EFCAB5: variants seen among roughly 807,000 people sequenced by gnomAD.
EFCAB5 encodes the protein EF-hand calcium binding domain 5.
Under a neutral mutation model 167.9 loss-of-function variants are expected in EFCAB5, and 131 were observed. The ratio of observed to expected loss-of-function variants is 0.78; its 90% CI spans 0.68 to 0.90. The LOEUF is 0.90. EFCAB5 is among the 40% of genes least tolerant of loss of function. The probability of loss-of-function intolerance (pLI) is 0.00; values close to 1 mark genes in which losing one functional copy is unlikely to be tolerated. For missense variants in EFCAB5, 1,663 were observed against 1,745.2 expected, an observed-to-expected ratio of 0.95 and a Z score of 0.84; for synonymous variants, 574 against 602.8, an observed-to-expected ratio of 0.95 and a Z score of 0.70.
chr17:30,053,807 G>T lies in EFCAB5; in HGVS notation c.1853G>T (p.Arg618Leu). 6.2e-7 allele frequency: 1 copy of T among 1,613,814 alleles called. No homozygotes were observed. Among genetic ancestry groups the T allele is most frequent in the Non-Finnish European group, 8.5e-7 (1 of 1,179,840 alleles). Reference sequence around the variant, plus strand: ...AGAGAGTCTATTGCAGAACAAGATCGACACAAAGGGTCAGTAGCAGAACAA... The same window carrying T: ...AGAGAGTCTATTGCAGAACAAGATCTACACAAAGGGTCAGTAGCAGAACAA... ...SRRESIAEQDRHKGSVAEQGS... is the reference protein window; with the variant it reads ...SRRESIAEQDLHKGSVAEQGS... The change falls in exon 10 of 23, where the codon CGA (arginine) becomes CTA (leucine). Residue 618 changes from arginine to leucine, a missense_variant. By Grantham distance (102) the Arg-to-Leu change is moderately radical. Transcript: ENST00000394835.
At chr17:30,105,567 A>C (rs1567781614) in intron 22 of EFCAB5, among the ~76,000 whole-genome samples, 1 of 152,200 alleles carries the variant, frequency 6.6e-6, no homozygotes, top group Non-Finnish European at 1.5e-5. Flanking sequence ...CAATATTTTA[A>C]GTATGTATGT....
chr17:30,050,908 G>A (rs2070074282), intron 8 of EFCAB5, among the ~76,000 whole-genome samples: 1 of 152,154 alleles, frequency 6.6e-6, no homozygotes, highest in Non-Finnish European at 1.5e-5. Context: ...CTAAGTAGAG[G>A]TCATTTTGAC....
chr17:30,056,693 A>G (rs2070278129), intron 12 of EFCAB5, among the ~76,000 whole-genome samples: 1 of 152,206 alleles, frequency 6.6e-6, no homozygotes, highest in East Asian at 1.9e-4. Context: ...ATGCTACTAT[A>G]TTGTTTTGCC....
Position 30,090,483 on chromosome 17 carries a change from C to T in EFCAB5, c.3746C>T (p.Thr1249Met), listed in dbSNP as rs781519608. 32 of 1,613,830 alleles carry T rather than the reference C, an allele frequency of 2.0e-5. No individual in the cohort carries two copies. Among genetic ancestry groups the T allele is most frequent in the Non-Finnish European group, 2.4e-5 (28 of 1,179,892 alleles). ...GTTCTGGCTTCTGCCTGTGGAGAAA[C>T]GCATATAGTAGTTCCACTTCGTGAG... Reference protein sequence around the residue: ...EVVLASACGETHIVVPLRERT... With the variant: ...EVVLASACGEMHIVVPLRERT... Residue 1249 changes from threonine (T) to methionine (M), a missense_variant, in exon 20 of 23, where the codon ACG becomes ATG. Coordinates refer to ENST00000394835, the MANE Select transcript of EFCAB5 (RefSeq NM_198529.4).
intron 14 of EFCAB5, chr17:30,069,351 T>A (rs2070666284): frequency 6.4e-6 from 10 of 1,558,130 alleles, no homozygotes; most frequent in Middle Eastern, 1.7e-4. Context: ...AATCAGCGAC[T>A]AATTGGTGAA....
chr17:30,099,428 T>TAA (rs56120836), intron 22 of EFCAB5, among the ~76,000 whole-genome samples: 11,926 of 149,794 alleles, frequency 0.08, 640 homozygotes, highest in Non-Finnish European at 0.12. Flanking sequence ...CTTAATCTCT[T>TAA]AAAAAAAAAA....
chr17:29,988,939 G>A (rs929113205), intron 4 of EFCAB5, among the ~76,000 whole-genome samples: 19 of 152,132 alleles, frequency 1.2e-4, no homozygotes, highest in African/African-American at 4.3e-4. Context: ...ATTTATTTGA[G>A]TCTTATGCAC....
chr17:30,070,899 G>A (rs570763701), intron 14 of EFCAB5, among the ~76,000 whole-genome samples: 7 of 137,018 alleles, frequency 5.1e-5, no homozygotes, highest in South Asian at 4.7e-4. Context: ...GCAATGAGCC[G>A]AGATTGCGCC....
chr17:30,077,583 A>G (rs1219547994), intron 14 of EFCAB5, among the ~76,000 whole-genome samples: 1 of 152,166 alleles, frequency 6.6e-6, no homozygotes, highest in East Asian at 1.9e-4. Context: ...ATGATTATAC[A>G]ATTACAAAAA....
chr17:29,976,559 T>C (rs1211089088), intron 4 of EFCAB5, among the ~76,000 whole-genome samples: 2 of 152,178 alleles, frequency 1.3e-5, no homozygotes, highest in Non-Finnish European at 2.9e-5. Context: ...TTAAAGCTTA[T>C]ATACCCAGCA....
intron 14 of EFCAB5, chr17:30,073,736 A>T (rs2070804000): frequency 2.8e-6 from 2 of 707,370 alleles, no homozygotes; most frequent in East Asian, 5.4e-5. Context: ...AGTTTTGACA[A>T]ATACATGCCC....
At chr17:30,084,746 A>G (rs1597551704) in intron 18 of EFCAB5, among the ~76,000 whole-genome samples, 1 of 151,948 alleles carries the variant, frequency 6.6e-6, no homozygotes, top group Admixed American at 6.6e-5. Flanking sequence ...TCAAAGATAA[A>G]CCAGTATCCA....
intron 3 of EFCAB5, among the ~76,000 whole-genome samples, chr17:29,948,333 A>G (rs999339355): frequency 1.3e-5 from 2 of 152,024 alleles, no homozygotes; most frequent in African/African-American, 4.8e-5. Flanking sequence ...TCTACTTTCA[A>G]TTTCTCTTAT....
chr17:29,954,595 G>A (rs963291463), intron 3 of EFCAB5, among the ~76,000 whole-genome samples: 3 of 152,332 alleles, frequency 2.0e-5, no homozygotes, highest in Middle Eastern at 3.4e-3. Context: ...TTGCTGCAGG[G>A]ATGGAGCCCT....
At chr17:30,048,481 G>A (rs1186925701) in intron 8 of EFCAB5, among the ~76,000 whole-genome samples, 1 of 151,312 alleles carries the variant, frequency 6.6e-6, no homozygotes, top group Non-Finnish European at 1.5e-5. Context: ...GTAGAAGGTG[G>A]AGGATACTTC....
At chr17:29,943,041 AAT>A (rs34181760) in intron 2 of EFCAB5, among the ~76,000 whole-genome samples, 16,761 of 147,490 alleles carry the variant, frequency 0.11, 2,038 homozygotes, top group African/African-American at 0.32. Flanking sequence ...GCATCTCCAA[AAT>A]ATATATATAT....
In EFCAB5 at chr17:30,068,721, C is replaced by T. The variant is rs2070646872; in HGVS notation, c.2737+9020C>T. ...TGGGAGTGGCAGTGGGTGGCAGAGTCGATGGCAGCCGGGATGAGCTGTTCC... is the reference window on the plus strand; with the variant it reads ...TGGGAGTGGCAGTGGGTGGCAGAGTTGATGGCAGCCGGGATGAGCTGTTCC... On this transcript the variant is annotated intron_variant, in intron 14 of 22. Coordinates refer to ENST00000394835, the MANE Select transcript of EFCAB5 (RefSeq NM_198529.4). 5 of 1,509,652 alleles carry T rather than the reference C, an allele frequency of 3.3e-6. No individual in the cohort carries two copies. In the East Asian group the frequency reaches 6.8e-5, roughly 20 times the overall value. 93.5% of individuals were successfully genotyped at this position (1,509,652 alleles called of 1,614,324 possible).
intron 7 of EFCAB5, chr17:30,031,723 A>C (rs1334713556): frequency 6.6e-6 from 1 of 152,220 alleles, no homozygotes; most frequent in African/African-American, 2.4e-5. Context: ...TTGATCCATC[A>C]AGAATAATGA....
chr17:30,041,789 A>G (rs993513420), intron 8 of EFCAB5, among the ~76,000 whole-genome samples: 1 of 152,214 alleles, frequency 6.6e-6, no homozygotes, highest in African/African-American at 2.4e-5. Context: ...TTCAGCAACC[A>G]CAACCCTAAT....
Sources: allele counts gnomAD v4.1 joint callset (sites outside exome capture counted in the v4.1 genomes callset), GRCh38; gene constraint gnomAD v4.1.1; transcripts MANE v1.5; gene names NCBI Gene and HGNC (gene_info 2026-07-23, HGNC 2026-07-21).